The following KIAA2012 variants were observed in gnomAD, a reference collection of about 807,000 sequenced individuals.
KIAA2012 encodes KIAA2012.
In KIAA2012, 125 loss-of-function variants were observed where a neutral mutation model predicts 150.6. That is an observed-to-expected ratio of 0.83 (90% CI 0.72 to 0.96). The LOEUF (loss-of-function observed/expected upper bound fraction) is 0.96. Ranked by LOEUF, KIAA2012 falls within the 40% of genes least tolerant of loss-of-function variation. The pLI, the probability that KIAA2012 is intolerant of heterozygous loss-of-function variation, is 0.00. For synonymous variants in KIAA2012, 462 were observed against 504.7 expected (o/e 0.92, Z 1.13); for missense variants, 1,219 against 1,354.9 (o/e 0.90, Z 1.57).
chr2:202,107,615 C>G (rs1690231308), intron 9 of KIAA2012, among the ~76,000 whole-genome samples: 1 of 152,188 alleles, frequency 6.6e-6, no homozygotes, highest in Admixed American at 6.5e-5. Context: ...CTTGTCCCTC[C>G]TCTGCCACTC....
intron 14 of KIAA2012, among the ~76,000 whole-genome samples, chr2:202,162,342 T>A (rs573744102): frequency 2.4e-3 from 370 of 152,188 alleles, no homozygotes; most frequent in African/African-American, 8.3e-3. Context: ...TGTTGCGATC[T>A]CGGCTCACTG....
rs774236586 is a variant in KIAA2012 at position 202,165,493 on chromosome 2, G to T, written c.2119+137G>T. On this transcript the variant is annotated intron_variant, in intron 15 of 23. Transcript: ENST00000498697. Reference sequence around the variant, plus strand: ...TCCCAGCACTTTGTGAGGCCAAGGCGGGTGGATCACCTGAGGCCAGGAGTT... The same window carrying T: ...TCCCAGCACTTTGTGAGGCCAAGGCTGGTGGATCACCTGAGGCCAGGAGTT... The T allele has an allele frequency of 5.2e-6, 4 of 769,586 alleles. No individual in the cohort carries two copies. In the Admixed American group the frequency reaches 7.5e-5, roughly 14 times the overall value. The allele number at this position is 769,586 out of a possible 1,614,324, so 47.7% of individuals were successfully genotyped here.
At chr2:202,147,340 C>T (rs6723854) in intron 13 of KIAA2012, among the ~76,000 whole-genome samples, 5 of 151,914 alleles carry the variant, frequency 3.3e-5, no homozygotes, top group African/African-American at 4.8e-5. Flanking sequence ...TACCTAAGGG[C>T]GCACAGCTGA....
At chr2:202,092,664 G>C (rs1256429073) in intron 3 of KIAA2012, among the ~76,000 whole-genome samples, 1 of 152,114 alleles carries the variant, frequency 6.6e-6, no homozygotes, top group Admixed American at 6.6e-5. Context: ...GGAGGCTGCT[G>C]ATCATGGGGC....
At chr2:202,153,836 A>AG (rs1321075723) in intron 13 of KIAA2012, among the ~76,000 whole-genome samples, 8 of 152,226 alleles carry the variant, frequency 5.3e-5, no homozygotes, top group African/African-American at 1.9e-4. Flanking sequence ...TAAATGAAGC[A>AG]GGAGAGATCA....
Position 202,125,719 on chromosome 2 carries a change from G to A in KIAA2012, c.1831+437G>A, listed in dbSNP as rs538831312. ...GCTTGTATTTTCAATGGAAGACTGA[G>A]GCCAGGTCTGCCTCTCCTCAGATTC... is the stretch of plus-strand genomic sequence containing the variant. On this transcript the variant is annotated intron_variant, in intron 12 of 23. Coordinates refer to ENST00000498697, the MANE Select transcript of KIAA2012 (RefSeq NM_001277372.4). 275 of 372,636 alleles carry A rather than the reference G, an allele frequency of 7.4e-4. 1 individual carries two copies. Among genetic ancestry groups the A allele is most frequent in the Non-Finnish European group, 1.3e-3 (246 of 193,828 alleles). 23.1% of individuals were successfully genotyped at this position (372,636 alleles called of 1,614,324 possible). A position where few individuals can be genotyped will look rare whatever the true frequency, so the allele number is the denominator to read the frequency against.
chr2:202,183,292 A>T (rs1337756747), intron 15 of KIAA2012, among the ~76,000 whole-genome samples: 1 of 151,928 alleles, frequency 6.6e-6, no homozygotes, highest in East Asian at 1.9e-4. Flanking sequence ...ATAGTGGTGC[A>T]CACCTGTGGT....
intron 22 of KIAA2012, among the ~76,000 whole-genome samples, chr2:202,199,425 C>T (rs2105755353): frequency 6.6e-6 from 1 of 152,296 alleles, no homozygotes; most frequent in Middle Eastern, 3.4e-3. Flanking sequence ...CACGGGCCAC[C>T]ATGCTGGCTA....
At chr2:202,143,525 T>C (rs1691241244) in intron 13 of KIAA2012, among the ~76,000 whole-genome samples, 1 of 150,780 alleles carries the variant, frequency 6.6e-6, no homozygotes, top group African/African-American at 2.4e-5. Context: ...GAAATCGAGG[T>C]GGATTATGTT....
At chr2:202,137,712 C>T (rs757502900) in intron 12 of KIAA2012, 7 of 152,202 alleles carry the variant, frequency 4.6e-5, no homozygotes, top group Non-Finnish European at 2.9e-5. Context: ...GGAGGGAAAT[C>T]CTTACTCAAA....
chr2:202,189,161 CG>C (rs1559233170), intron 18 of KIAA2012, among the ~76,000 whole-genome samples: 1 of 152,122 alleles, frequency 6.6e-6, no homozygotes, highest in African/African-American at 2.4e-5. Flanking sequence ...CCTTAGAGTA[CG>C]GAAGGCTGAA....
intron 15 of KIAA2012, among the ~76,000 whole-genome samples, chr2:202,169,222 T>A (rs138354204): frequency 3.3e-5 from 5 of 152,338 alleles, no homozygotes; most frequent in African/African-American, 1.2e-4. Context: ...CCTAAATGAA[T>A]GAATGAGTCA....
rs13406645 is a variant in KIAA2012 at position 202,096,619 on chromosome 2, G to A, written c.686-816G>A. 4.2e-3 allele frequency among the ~76,000 whole-genome samples: 641 copies of A among 152,108 alleles called. 2 individuals carry two copies. Among genetic ancestry groups the A allele is most frequent in the African/African-American group, 0.014 (561 of 41,450 alleles). On this transcript the variant is annotated intron_variant, in intron 4 of 23. Coordinates refer to ENST00000498697, the MANE Select transcript of KIAA2012 (RefSeq NM_001277372.4). Reference sequence around the variant, plus strand: ...CTGGAGGCAGGAGGAGAAGCAGCTCGCAGAAGTCTTGTGATCCATCACACA... The same window carrying A: ...CTGGAGGCAGGAGGAGAAGCAGCTCACAGAAGTCTTGTGATCCATCACACA...
intron 15 of KIAA2012, among the ~76,000 whole-genome samples, chr2:202,173,873 A>G (rs1691942781): frequency 6.6e-6 from 1 of 152,242 alleles, no homozygotes; most frequent in Non-Finnish European, 1.5e-5. Context: ...TAAGAATAGA[A>G]GAGGGCTTCT....
At chr2:202,143,075 A>ATTTTTTTTTTT (rs59488285) in intron 13 of KIAA2012, among the ~76,000 whole-genome samples, 1 of 124,988 alleles carries the variant, frequency 8.0e-6, no homozygotes, top group Non-Finnish European at 1.6e-5. Flanking sequence ...CACTGGTTTA[A>ATTTTTTTTTTT]TTTTTTTTTT....
intron 15 of KIAA2012, among the ~76,000 whole-genome samples, chr2:202,182,303 G>A (rs1692137931): frequency 6.6e-6 from 1 of 151,420 alleles, no homozygotes; most frequent in African/African-American, 2.4e-5. Flanking sequence ...TAGAGATGGG[G>A]TTTCTCCGTG....
At chr2:202,153,708 C>T (rs1281858624) in intron 13 of KIAA2012, among the ~76,000 whole-genome samples, 1 of 152,210 alleles carries the variant, frequency 6.6e-6, no homozygotes, top group African/African-American at 2.4e-5. Context: ...TCTGTCTTCC[C>T]TTTCAGTGGA....
At chr2:202,117,712 G>A (rs1690561005) in intron 11 of KIAA2012, among the ~76,000 whole-genome samples, 1 of 152,164 alleles carries the variant, frequency 6.6e-6, no homozygotes. Context: ...TCCTCAGAAG[G>A]TTAACAGGCA....
chr2:202,140,534 A>T (rs1287447052), intron 13 of KIAA2012, among the ~76,000 whole-genome samples: 3 of 152,118 alleles, frequency 2.0e-5, no homozygotes, highest in East Asian at 3.8e-4. Flanking sequence ...AGCCCCAAAC[A>T]CAGAGAAAAC....
Sources: gnomAD v4.1 joint callset for allele counts (sites outside exome capture counted in the v4.1 genomes callset) on GRCh38, gnomAD v4.1.1 for gene constraint, MANE v1.5 for transcripts, NCBI Gene and HGNC (gene_info 2026-07-23, HGNC 2026-07-21) for gene names.